CAMK2D: variants seen among roughly 807,000 people sequenced by gnomAD.
CAMK2D encodes calcium/calmodulin-dependent protein kinase type II subunit delta.
CAMK2D carries 37 observed loss-of-function variants against 84.0 expected under a neutral mutation model. The observed-to-expected ratio is 0.44, with a 90% confidence interval of 0.34 to 0.58. The LOEUF is 0.58. Among genes scored for constraint, CAMK2D ranks in the 20% least tolerant of loss-of-function variants. The probability of loss-of-function intolerance (pLI) is 0.02; values close to 1 mark genes in which losing one functional copy is unlikely to be tolerated. For missense variants in CAMK2D, 448 were observed against 652.5 expected, an observed-to-expected ratio of 0.69 and a Z score of 3.41; for synonymous variants, 202 against 212.5, an observed-to-expected ratio of 0.95 and a Z score of 0.43.
intron 4 of CAMK2D, among the ~76,000 whole-genome samples, chr4:113,596,364 T>C (rs575173592): frequency 4.7e-4 from 72 of 152,202 alleles, no homozygotes; most frequent in Non-Finnish European, 9.6e-4. Flanking sequence ...GTTGTTATTT[T>C]TACCTCCTGC....
chr4:113,693,570 G>T (rs2099394495), intron 2 of CAMK2D, among the ~76,000 whole-genome samples: 1 of 152,074 alleles, frequency 6.6e-6, no homozygotes, highest in Non-Finnish European at 1.5e-5. Context: ...TTCTCTTTGT[G>T]TCTAATTGTT....
intron 3 of CAMK2D, among the ~76,000 whole-genome samples, chr4:113,622,549 G>A (rs980522114): frequency 6.6e-6 from 1 of 152,182 alleles, no homozygotes; most frequent in African/African-American, 2.4e-5. Context: ...AGTATCGCTT[G>A]AGCCCAGGAG....
intron 4 of CAMK2D, among the ~76,000 whole-genome samples, chr4:113,569,738 A>C (rs762919076): frequency 3.9e-5 from 6 of 152,178 alleles, no homozygotes; most frequent in Non-Finnish European, 8.8e-5. Context: ...CTTAAGAATA[A>C]TATCTCTACA....
chr4:113,601,757 G>A (rs75174764), intron 4 of CAMK2D, among the ~76,000 whole-genome samples: 36,328 of 139,562 alleles, frequency 0.26, 5,313 homozygotes, highest in Middle Eastern at 0.38. Flanking sequence ...GTGCAGTGGC[G>A]TGATCACAGC....
chr4:113,472,705 T>C (rs1038691404), intron 16 of CAMK2D, among the ~76,000 whole-genome samples: 2 of 152,222 alleles, frequency 1.3e-5, no homozygotes, highest in Non-Finnish European at 2.9e-5. Flanking sequence ...ACTGGGATGT[T>C]TGCAGAGTGT....
chr4:113,644,050 T>C (rs1368080403), intron 3 of CAMK2D, among the ~76,000 whole-genome samples: 1 of 152,210 alleles, frequency 6.6e-6, no homozygotes, highest in Non-Finnish European at 1.5e-5. Flanking sequence ...TTATACCTAT[T>C]ATTGTCAGAA....
chr4:113,518,946 C>A (rs2098322418), intron 8 of CAMK2D, among the ~76,000 whole-genome samples: 1 of 150,914 alleles, frequency 6.6e-6, no homozygotes, highest in African/African-American at 2.4e-5. Flanking sequence ...AAATTTTAAA[C>A]AACATTCTTA....
At chr4:113,500,801 G>T (rs2098028476) in intron 15 of CAMK2D, among the ~76,000 whole-genome samples, 1 of 152,098 alleles carries the variant, frequency 6.6e-6, no homozygotes, top group Non-Finnish European at 1.5e-5. Flanking sequence ...ACTGTGTAAG[G>T]ATGTGTTTTG....
intron 2 of CAMK2D, among the ~76,000 whole-genome samples, chr4:113,757,491 T>C (rs1384927285): frequency 1.3e-5 from 2 of 152,076 alleles, no homozygotes; most frequent in Non-Finnish European, 1.5e-5. Flanking sequence ...GCAGCGTTAA[T>C]AATGTTCTTC....
chr4:113,753,535 T>C (rs2099621841), intron 2 of CAMK2D, among the ~76,000 whole-genome samples: 1 of 151,878 alleles, frequency 6.6e-6, no homozygotes, highest in South Asian at 2.1e-4. Flanking sequence ...TATGCTAGAG[T>C]AAGAGAAGTT....
intron 4 of CAMK2D, among the ~76,000 whole-genome samples, chr4:113,558,101 A>G (rs913450589): frequency 6.6e-6 from 1 of 152,152 alleles, no homozygotes; most frequent in East Asian, 1.9e-4. Flanking sequence ...CTAGACCCAG[A>G]GTTGGGCAAC....
intron 2 of CAMK2D, among the ~76,000 whole-genome samples, chr4:113,715,080 A>G (rs2099509448): frequency 6.6e-6 from 1 of 152,036 alleles, no homozygotes; most frequent in Admixed American, 6.6e-5. Context: ...CCTTTATTAG[A>G]TTTCTTCTCA....
intron 4 of CAMK2D, among the ~76,000 whole-genome samples, chr4:113,558,384 C>T (rs1449775837): frequency 2.6e-5 from 4 of 151,916 alleles, no homozygotes; most frequent in East Asian, 1.9e-4. Flanking sequence ...ATTATGGCCT[C>T]GATATTTTTA....
intron 16 of CAMK2D, among the ~76,000 whole-genome samples, chr4:113,490,225 T>C (rs2097817734): frequency 6.7e-6 from 1 of 148,452 alleles, no homozygotes; most frequent in Non-Finnish European, 1.5e-5. Flanking sequence ...CCCATGCTTA[T>C]GTCGTGAATG....
At chr4:113,575,094 T>TC (rs1273036065) in intron 4 of CAMK2D, among the ~76,000 whole-genome samples, 1 of 152,202 alleles carries the variant, frequency 6.6e-6, no homozygotes, top group African/African-American at 2.4e-5. Context: ...TAATCACTTT[T>TC]CCCCTCTGGA....
At chr4:113,758,099 T>C (rs2099632738) in intron 2 of CAMK2D, among the ~76,000 whole-genome samples, 1 of 152,186 alleles carries the variant, frequency 6.6e-6, no homozygotes, top group South Asian at 2.1e-4. Flanking sequence ...ATGTCACTTA[T>C]AGTTTAGCAA....
intron 16 of CAMK2D, among the ~76,000 whole-genome samples, chr4:113,495,321 A>C (rs2097913901): frequency 6.6e-6 from 1 of 151,974 alleles, no homozygotes; most frequent in African/African-American, 2.4e-5. Context: ...AATACCCAAG[A>C]GTTTCTTAAT....
intron 3 of CAMK2D, among the ~76,000 whole-genome samples, chr4:113,658,284 A>C (rs2099211230): frequency 6.6e-6 from 1 of 152,184 alleles, no homozygotes; most frequent in Admixed American, 6.5e-5. Flanking sequence ...TTCATCAATT[A>C]AGGTAAGATA....
At chr4:113,455,151 AAAC>A (rs1397857888) in intron 20 of CAMK2D, among the ~76,000 whole-genome samples, 3 of 152,212 alleles carry the variant, frequency 2.0e-5, no homozygotes, top group Admixed American at 1.3e-4. Context: ...AATTAATTAA[AAAC>A]AACAACAAAA....
Sources: gnomAD v4.1 joint callset for allele counts (sites outside exome capture counted in the v4.1 genomes callset) on GRCh38, gnomAD v4.1.1 for gene constraint, MANE v1.5 for transcripts, NCBI Gene and HGNC (gene_info 2026-07-23, HGNC 2026-07-21) for gene names.